MACF1: variants seen among roughly 807,000 people sequenced by gnomAD.
MACF1 encodes microtubule-actin cross-linking factor 1.
Under a neutral mutation model 854.8 loss-of-function variants are expected in MACF1, and 193 were observed. The observed-to-expected ratio is 0.23, with a 90% CI of 0.20 to 0.25. MACF1 has a LOEUF of 0.25. Among genes scored for constraint, MACF1 ranks in the 10% least tolerant of loss-of-function variants. The pLI is 1.00. For missense variants in MACF1, 7,722 were observed against 8,929.1 expected, an observed-to-expected ratio of 0.86 and a Z score of 5.45; for synonymous variants, 3,185 against 3,226.7, an observed-to-expected ratio of 0.99 and a Z score of 0.44.
chr1:39,100,300 G>C (rs919602450), intron 2 of MACF1, among the ~76,000 whole-genome samples: 2 of 152,176 alleles, frequency 1.3e-5, no homozygotes, highest in African/African-American at 4.8e-5. Flanking sequence ...TCAGTAGGTG[G>C]AGTTGGGGGA....
chr1:39,459,720 G>T, intron 91 of MACF1: 2 of 673,298 alleles, frequency 3.0e-6, no homozygotes, highest in Non-Finnish European at 2.2e-6. Flanking sequence ...CTATTTTGAA[G>T]TGTCATTACC....
Position 39,317,246 on chromosome 1 carries a change from A to G in MACF1, c.3621A>G (p.Ser1207=), listed in dbSNP as rs988643333. 2.5e-6 allele frequency: 4 copies of G among 1,613,924 alleles called. No individual in the cohort carries two copies. Among genetic ancestry groups the G allele is most frequent in the Non-Finnish European group, 1.7e-6 (2 of 1,179,988 alleles). ...TTAGTGATGTGAAGGACAAGAATTC[A>G]GTGTTTTCAGTCCTGGATGAGGAAA... ...HWLSDVKDKN[S]VFSVLDEEIA... is the part of the protein sequence containing the mutation. The change falls in exon 29 of 101, where the codon TCA becomes TCG. Residue 1207 remains serine, a synonymous_variant. Transcript: ENST00000564288.
rs1646667089 is a variant in MACF1 at position 39,328,946 on chromosome 1, C to T, written c.4614+1593C>T. ...TCAGCATTTTTGAGACTCCATGAAT[C>T]TCACAAAAGAAATGAAAAGTTCTCA... On this transcript the variant is annotated intron_variant, in intron 36 of 100. Transcript: ENST00000564288. Among the ~76,000 whole-genome samples, 4 of 152,164 alleles carry T rather than the reference C, an allele frequency of 2.6e-5. No individual in the cohort carries two copies. The South Asian group carries it at 6.2e-4, about 24-fold the overall frequency.
chr1:39,293,463 T>G lies in MACF1; in HGVS notation c.1998T>G (p.Thr666=). The change falls in exon 18 of 101, where the codon ACT becomes ACG. Residue 666 remains threonine, a synonymous_variant. Transcript: ENST00000564288. ...ATAATCCTTGCTTTGTCTAGGAAACTTCTAGCTTCCGGATGAGGCACCTTC... is the reference window on the plus strand; with the variant it reads ...ATAATCCTTGCTTTGTCTAGGAAACGTCTAGCTTCCGGATGAGGCACCTTC... ...LETQYCKLKE[T]SSFRMRHLQS... 6 of 1,611,348 alleles carry G rather than the reference T, an allele frequency of 3.7e-6. No homozygotes were observed. The Admixed American group carries it at 8.4e-5, about 22-fold the overall frequency.
chr1:39,324,889 T>A (rs1036770143), intron 35 of MACF1, among the ~76,000 whole-genome samples, 155 bp downstream of exon 35: 2 of 152,226 alleles, frequency 1.3e-5, no homozygotes, highest in African/African-American at 4.8e-5. Flanking sequence ...TTGCATTTAA[T>A]TTGTTGGCTA....
intron 99 of MACF1, among the ~76,000 whole-genome samples, chr1:39,483,306 G>A (rs1403603211): frequency 2.0e-5 from 3 of 152,092 alleles, no homozygotes; most frequent in Non-Finnish European, 2.9e-5. Context: ...CTTCTGTGCT[G>A]TGCAGAACAC....
At chr1:39,251,817 T>C in intron 3 of MACF1, 29 bp from the exon 4 acceptor site, 1 of 1,271,996 alleles carries the variant, frequency 7.9e-7, no homozygotes, top group Non-Finnish European at 1.0e-6. Flanking sequence ...GTTCCTCTAT[T>C]GTGTCTTTGC....
intron 6 of MACF1, among the ~76,000 whole-genome samples, chr1:39,279,477 A>T (rs1645501973): frequency 6.6e-6 from 1 of 151,292 alleles, no homozygotes; most frequent in Non-Finnish European, 1.5e-5. Context: ...ACACTTGGAG[A>T]TGACTTATTA....
intron 30 of MACF1, among the ~76,000 whole-genome samples, chr1:39,319,384 G>A (rs925717078): frequency 6.6e-6 from 1 of 152,034 alleles, no homozygotes; most frequent in African/African-American, 2.4e-5. Flanking sequence ...CCGAGGCATG[G>A]GGATCACTTG....
intron 66 of MACF1, 91 bp downstream of exon 66, chr1:39,430,999 A>C: frequency 1.7e-6 from 2 of 1,151,048 alleles, no homozygotes; most frequent in Non-Finnish European, 2.6e-6. Context: ...AGACTCAGAA[A>C]TAAGAATGGG....
chr1:39,256,770 G>A (rs185031542), intron 5 of MACF1, among the ~76,000 whole-genome samples: 3 of 152,186 alleles, frequency 2.0e-5, no homozygotes, highest in Non-Finnish European at 4.4e-5. Context: ...CAGGTGCTGC[G>A]GGAGGCATGG....
At chr1:39,433,179 C>A (rs776568916) in intron 68 of MACF1, 24 bp downstream of exon 68, 6 of 1,384,108 alleles carry the variant, frequency 4.3e-6, no homozygotes, top group Non-Finnish European at 4.1e-6. Flanking sequence ...ATTTATTTGC[C>A]ATATTGTTCC....
intron 1 of MACF1, among the ~76,000 whole-genome samples, chr1:39,225,912 G>A (rs922373363): frequency 3.3e-5 from 5 of 152,110 alleles, no homozygotes; most frequent in African/African-American, 1.2e-4. Flanking sequence ...TATTCTGAAG[G>A]TCAGCATAAT....
At chr1:39,230,154 T>A (rs951671742) in intron 1 of MACF1, among the ~76,000 whole-genome samples, 3 of 152,050 alleles carry the variant, frequency 2.0e-5, no homozygotes, top group East Asian at 3.9e-4. Context: ...AGACTGATAA[T>A]GGTAAGTGCT....
chr1:39,157,126 C>T (rs1048581840), intron 2 of MACF1, among the ~76,000 whole-genome samples: 2 of 152,184 alleles, frequency 1.3e-5, no homozygotes, highest in Admixed American at 1.3e-4. Flanking sequence ...TGGGACAGCA[C>T]ACCTAGTTAA....
chr1:39,390,868 G>A (rs1346802815), intron 58 of MACF1, among the ~76,000 whole-genome samples: 1 of 152,182 alleles, frequency 6.6e-6, no homozygotes. Context: ...AGCACTTTGG[G>A]AGGCCGAGGC....
chr1:39,370,059 A>T lies in MACF1; in HGVS notation c.12968A>T (p.Gln4323Leu). 6.2e-7 allele frequency: 1 copy of T among 1,613,884 alleles called. No homozygotes were observed. The highest frequency in any genetic ancestry group is 1.1e-5 in the South Asian group (1 of 91,004). The change falls in exon 51 of 101, where the codon CAG becomes CTG. Residue 4323 changes from glutamine (Q) to leucine (L), a missense_variant. By Grantham distance (113) the Gln-to-Leu change is moderately radical. This residue lies in a region of MACF1 where 2,807 missense variants were observed against 3,235.8 expected (regional missense o/e 0.87). Coordinates refer to ENST00000564288, the MANE Select transcript of MACF1 (RefSeq NM_001394062.1). ...AAAGATGCATCATCTTGCCAGGAAC[A>T]GTTGGATGAATTCCGGAAGCTGGTC... Reference protein sequence around the residue: ...REKDASSCQEQLDEFRKLVRT... With the variant: ...REKDASSCQELLDEFRKLVRT...
intron 2 of MACF1, among the ~76,000 whole-genome samples, chr1:39,174,915 A>G (rs1297283136): frequency 6.6e-6 from 1 of 152,328 alleles, no homozygotes; most frequent in East Asian, 1.9e-4. Flanking sequence ...GTGCCTGGCC[A>G]CTGCATTTCC....
At position 39,459,241 on chromosome 1, in the gene MACF1, C is replaced by A; in HGVS notation, c.21352C>A (p.Leu7118Met). The A allele has an allele frequency of 2.5e-6, 4 of 1,612,902 alleles. No individual in the cohort carries two copies. Among genetic ancestry groups the A allele is most frequent in the Non-Finnish European group, 3.4e-6 (4 of 1,179,442 alleles). ...GAAACTGAATGATGCCTTGGATCGG[C>A]TGGAGGAGGTAATGCCCTGCTGAGT... is the stretch of plus-strand genomic sequence containing the variant. ...QRKLNDALDR[L>M]EELKEFANFD... is the part of the protein sequence containing the mutation. The change falls in exon 91 of 101, where the codon CTG becomes ATG. Residue 7118 changes from leucine to methionine, a missense_variant. By Grantham distance (15) the Leu-to-Met change is conservative (BLOSUM62 2). Transcript: ENST00000564288.
Sources: allele counts gnomAD v4.1 joint callset (sites outside exome capture counted in the v4.1 genomes callset), GRCh38; gene constraint gnomAD v4.1.1; regional missense constraint gnomAD v4.1.1; transcripts MANE v1.5; gene names NCBI Gene and HGNC (gene_info 2026-07-23, HGNC 2026-07-21).